DCHS2: variants seen among roughly 807,000 people sequenced by gnomAD.
DCHS2 encodes the protein protocadherin-23.
In DCHS2, 142 loss-of-function variants were observed where a neutral mutation model predicts 182.4. The ratio of observed to expected loss-of-function variants is 0.78; its 90% CI spans 0.68 to 0.89. The LOEUF (loss-of-function observed/expected upper bound fraction) is 0.89, where lower values mean the gene tolerates loss of function less well. Among genes scored for constraint, DCHS2 ranks in the 40% least tolerant of loss-of-function variants. The pLI, the probability that DCHS2 is intolerant of heterozygous loss-of-function variation, is 0.00. For missense variants in DCHS2, 4,319 were observed against 4,198.6 expected, an observed-to-expected ratio of 1.03 and a Z score of -0.79; for synonymous variants, 1,740 against 1,663.3, an observed-to-expected ratio of 1.05 and a Z score of -1.12.
intron 1 of DCHS2, among the ~76,000 whole-genome samples, chr4:154,446,476 T>C (rs991416221): frequency 1.3e-5 from 2 of 152,198 alleles, no homozygotes; most frequent in African/African-American, 2.4e-5. Context: ...GTAAAAATAA[T>C]GAGGCAGTTC....
In DCHS2 at chr4:154,251,862, T is replaced by G. The variant is rs192228842; in HGVS notation, c.6941+3657A>C. Among the ~76,000 whole-genome samples the G allele has an allele frequency of 2.6e-3, 402 of 152,298 alleles. 1 individual carries two copies. The highest frequency in any genetic ancestry group is 9.2e-3 in the African/African-American group (381 of 41,580). On this transcript the variant is annotated intron_variant, in intron 16 of 19. Coordinates refer to ENST00000357232, the MANE Select transcript of DCHS2 (RefSeq NM_001358235.2). ...TCCTTGAGAACAAGGGCTCTTGCAT[T>G]TGTCTTTGTGTCCCCAGCTTCATGC...
chr4:154,442,539 C>CA lies in DCHS2; in HGVS notation c.2052+46764_2052+46765insT, dbSNP rs1224840595. On this transcript the variant is annotated intron_variant, in intron 1 of 19. Transcript: ENST00000357232. ...CACTGAAAAGTGGACACCCCCCCCC[C>CA]CCCACACACACACACACACACACCA... 3.0e-3 allele frequency among the ~76,000 whole-genome samples: 239 copies of CA among 80,840 alleles called. 2 individuals are homozygous for CA. The highest frequency in any genetic ancestry group is 9.0e-3 in the African/African-American group (225 of 25,030). The allele number at this position is 80,840 out of a possible 152,430, so 53.0% of individuals were successfully genotyped here. A position where few individuals can be genotyped will look rare whatever the true frequency, so the allele number is the denominator to read the frequency against.
chr4:154,271,196 G>C (rs1733573918), intron 13 of DCHS2, among the ~76,000 whole-genome samples: 1 of 152,068 alleles, frequency 6.6e-6, no homozygotes, highest in Non-Finnish European at 1.5e-5. Context: ...TGTGAAGAAG[G>C]GTAAGAGAGG....
At chr4:154,414,483 CTTTCTTTTTT>C (rs1311114977) in intron 1 of DCHS2, among the ~76,000 whole-genome samples, 15 of 119,444 alleles carry the variant, frequency 1.3e-4, no homozygotes, top group Non-Finnish European at 2.3e-4. Context: ...CTCCATACAG[CTTTCTTTTTT>C]TTTTTTTTTT....
At chr4:154,324,425 G>T (rs1436284634) in intron 7 of DCHS2, among the ~76,000 whole-genome samples, 1 of 152,108 alleles carries the variant, frequency 6.6e-6, no homozygotes, top group Non-Finnish European at 1.5e-5. Context: ...AAATGGTTTT[G>T]GGAGAACATA....
Position 154,319,629 on chromosome 4 carries a change from G to A in DCHS2, c.5020+750C>T, listed in dbSNP as rs1735978621. Among the ~76,000 whole-genome samples the A allele has an allele frequency of 2.2e-5, 3 of 137,520 alleles. No individual in the cohort carries two copies. The South Asian group carries it at 7.0e-4, about 32-fold the overall frequency. 90.2% of individuals were successfully genotyped at this position (137,520 alleles called of 152,430 possible). Reference sequence around the variant, plus strand: ...CAAATCAAAACCACAACGAGATATTGCTTATACCTGTTAGGATGGCTGTTA... The same window carrying A: ...CAAATCAAAACCACAACGAGATATTACTTATACCTGTTAGGATGGCTGTTA... On this transcript the variant is annotated intron_variant, in intron 9 of 19. Transcript: ENST00000357232.
chr4:154,292,133 A>C (rs1180362433), intron 13 of DCHS2, among the ~76,000 whole-genome samples: 1 of 152,188 alleles, frequency 6.6e-6, no homozygotes, highest in Non-Finnish European at 1.5e-5. Flanking sequence ...TAAAAAAACA[A>C]ATTTTCTATA....
At chr4:154,255,876 A>G (rs1732641980) in intron 15 of DCHS2, among the ~76,000 whole-genome samples, 1 of 152,188 alleles carries the variant, frequency 6.6e-6, no homozygotes, top group South Asian at 2.1e-4. Flanking sequence ...CATCCAAAGA[A>G]TTTTCAAATA....
chr4:154,336,051 C>T (rs553868040), intron 3 of DCHS2, among the ~76,000 whole-genome samples: 5 of 152,318 alleles, frequency 3.3e-5, no homozygotes, highest in African/African-American at 1.2e-4. Flanking sequence ...AGGTATTTGA[C>T]ATTTGCCCTG....
chr4:154,387,359 G>A (rs192184806), intron 1 of DCHS2, among the ~76,000 whole-genome samples: 40 of 152,092 alleles, frequency 2.6e-4, no homozygotes, highest in East Asian at 2.3e-3. Context: ...AAAAGAATTG[G>A]CAGGCAGATC....
rs1157571554 is a variant in DCHS2 at position 154,369,006 on chromosome 4, T to G, written c.2245-2565A>C. Among the ~76,000 whole-genome samples, 5 of 152,230 alleles carry G rather than the reference T, an allele frequency of 3.3e-5. No homozygotes were observed. In the East Asian group the frequency reaches 5.8e-4, roughly 18 times the overall value. On this transcript the variant is annotated intron_variant, in intron 2 of 19. Transcript: ENST00000357232. Reference sequence around the variant, plus strand: ...ACATTCTTAATATATATTTTTTATCTGTTAATAAACTGTATATACATTTAC... The same window carrying G: ...ACATTCTTAATATATATTTTTTATCGGTTAATAAACTGTATATACATTTAC...
chr4:154,316,351 GTA>G (rs1172585676), intron 9 of DCHS2, among the ~76,000 whole-genome samples: 1 of 152,088 alleles, frequency 6.6e-6, no homozygotes, highest in African/African-American at 2.4e-5. Flanking sequence ...AACACCTCAT[GTA>G]TAAAAGCGAC....
At position 154,491,548 on chromosome 4, in the gene DCHS2, A is replaced by T. The variant is rs1728838226; in HGVS notation, c.-193T>A. The stretch of plus-strand genomic sequence containing the variant: ...AGCGTCCTCTGCCTGCAGCTCACGC[A>T]GACAGGGAAGTAAGCTCTAGCTGCC... On this transcript the variant is annotated 5_prime_UTR_variant, in exon 1 of 20. Coordinates refer to ENST00000357232, the MANE Select transcript of DCHS2 (RefSeq NM_001358235.2). The T allele has an allele frequency of 1.4e-6, 2 of 1,386,142 alleles. No individual in the cohort carries two copies. The highest frequency in any genetic ancestry group is 2.9e-5 in the African/African-American group (2 of 67,960). The allele number at this position is 1,386,142 out of a possible 1,614,324, so 85.9% of individuals were successfully genotyped here.
chr4:154,331,535 G>A (rs762681630), intron 5 of DCHS2: 1 of 1,551,934 alleles, frequency 6.4e-7, no homozygotes, highest in Non-Finnish European at 8.7e-7. Context: ...AACCTTCTTG[G>A]CAAGCCATGT....
intron 15 of DCHS2, 47 bp downstream of exon 15, chr4:154,259,498 A>ACC (rs779429701): frequency 3.8e-6 from 6 of 1,565,786 alleles, no homozygotes; most frequent in Admixed American, 3.5e-5. Flanking sequence ...ACACAGACAC[A>ACC]CCCACACACA....
intron 14 of DCHS2, chr4:154,262,227 C>G (rs182120478): frequency 6.6e-6 from 1 of 152,268 alleles, no homozygotes; most frequent in Admixed American, 6.5e-5. Flanking sequence ...ATCGACGGTT[C>G]TAATGCTTTC....
intron 1 of DCHS2, among the ~76,000 whole-genome samples, chr4:154,435,595 C>CAAAA (rs71600329): frequency 7.9e-6 from 1 of 127,310 alleles, no homozygotes; most frequent in Non-Finnish European, 1.7e-5. Context: ...GACTCCATCT[C>CAAAA]AAAAAAAAAA....
intron 3 of DCHS2, among the ~76,000 whole-genome samples, chr4:154,349,892 A>G (rs1263125743): frequency 6.6e-6 from 1 of 152,260 alleles, no homozygotes; most frequent in Non-Finnish European, 1.5e-5. Context: ...CAGAAATAAA[A>G]TACCTGTGAA....
intron 19 of DCHS2, among the ~76,000 whole-genome samples, chr4:154,238,552 T>C (rs1731645698): frequency 6.6e-6 from 1 of 152,196 alleles, no homozygotes; most frequent in African/African-American, 2.4e-5. Flanking sequence ...TACTGTTTAA[T>C]TGAATGTAGA....
Sources: gnomAD v4.1 joint callset for allele counts (sites outside exome capture counted in the v4.1 genomes callset) on GRCh38, gnomAD v4.1.1 for gene constraint, MANE v1.5 for transcripts, NCBI Gene and HGNC (gene_info 2026-07-23, HGNC 2026-07-21) for gene names.